VPS33B: variants seen among roughly 807,000 people sequenced by gnomAD.
VPS33B encodes the protein VPS33B late endosome and lysosome associated, also known as vacuolar protein sorting-associated protein 33B.
A neutral mutation model predicts 95.3 loss-of-function variants in VPS33B; 80 were observed. The observed-to-expected ratio is 0.84, with a 90% CI of 0.70 to 1.01. The LOEUF (loss-of-function observed/expected upper bound fraction) is 1.01. Ranked by LOEUF, VPS33B falls within the 50% of genes least tolerant of loss-of-function variation. The pLI is 0.00. For synonymous variants in VPS33B, 280 were observed against 280.4 expected (o/e 1.00, Z 0.01); for missense variants, 715 against 773.4 (o/e 0.92, Z 0.90).
Position 91,007,178 on chromosome 15 carries a change from C to T in VPS33B, c.604-132G>A. On this transcript the variant is annotated intron_variant, in intron 8 of 22. Coordinates refer to ENST00000333371, the MANE Select transcript of VPS33B (RefSeq NM_018668.5). The surrounding 1 kb of genome is among the most constrained non-coding windows in gnomAD (Gnocchi z 5.3). ...CAGGAGCTAATTATTCACAATATGG[C>T]CCTATCTACTCCCGTCTGTGTCTAT... The T allele has an allele frequency of 1.0e-6, 1 of 952,554 alleles. No homozygotes were observed. The highest frequency in any genetic ancestry group is 1.6e-5 in the African/African-American group (1 of 62,114). The allele number at this position is 952,554 out of a possible 1,614,324, so 59.0% of individuals were successfully genotyped here. A position where few individuals can be genotyped will look rare whatever the true frequency, so the allele number is the denominator to read the frequency against.
In VPS33B at chr15:91,011,523, G is replaced by A. The variant is rs2040778134; in HGVS notation, c.358-1677C>T. On this transcript the variant is annotated intron_variant, in intron 5 of 22. Coordinates refer to ENST00000333371, the MANE Select transcript of VPS33B (RefSeq NM_018668.5). This position sits in a 1 kb window ranked among gnomAD's most constrained non-coding sequence, Gnocchi z 5.5. Reference sequence around the variant, plus strand: ...ACTGCCAATCTTCATAATTAACAAAGGAGTCTCAAAGAAGAGAGAGAGATG... The same window carrying A: ...ACTGCCAATCTTCATAATTAACAAAAGAGTCTCAAAGAAGAGAGAGAGATG... Among the ~76,000 whole-genome samples, 1 of 152,160 alleles carries A rather than the reference G, an allele frequency of 6.6e-6. No homozygotes were observed. Among genetic ancestry groups the A allele is most frequent in the African/African-American group, 2.4e-5 (1 of 41,438 alleles).
Position 91,013,710 on chromosome 15 carries a change from C to G in VPS33B, c.357+94G>C, listed in dbSNP as rs955501635. Reference sequence around the variant, plus strand: ...TTCTGTTACAGCAACAGAAAACGAACGGAGACAGGGAGGTAGTGCTGTTGG... The same window carrying G: ...TTCTGTTACAGCAACAGAAAACGAAGGGAGACAGGGAGGTAGTGCTGTTGG... On this transcript the variant is annotated intron_variant, in intron 5 of 22. Transcript: ENST00000333371. This position sits in a 1 kb window ranked among gnomAD's most constrained non-coding sequence, Gnocchi z 4.5. 11 of 1,328,294 alleles carry G rather than the reference C, an allele frequency of 8.3e-6. No individual in the cohort carries two copies. In the African/African-American group the frequency reaches 1.4e-4, roughly 17 times the overall value. 82.3% of individuals were successfully genotyped at this position (1,328,294 alleles called of 1,614,324 possible).
intron 16 of VPS33B, 93 bp from the exon 17 acceptor site, chr15:91,003,224 C>T (rs1567220188): frequency 8.2e-7 from 1 of 1,215,404 alleles, no homozygotes; most frequent in Non-Finnish European, 1.2e-6. Context: ...ACGCCTTCTT[C>T]AGGAGGAAGG....
chr15:91,005,882 C>A lies in VPS33B; in HGVS notation c.939+91G>T. ...TCCATCCATGAGAAAGGACAGGGAACCTGTCATAGTATTAGAAGGGGAGCC... is the reference window on the plus strand; with the variant it reads ...TCCATCCATGAGAAAGGACAGGGAAACTGTCATAGTATTAGAAGGGGAGCC... On this transcript the variant is annotated intron_variant, in intron 12 of 22. Coordinates refer to ENST00000333371, the MANE Select transcript of VPS33B (RefSeq NM_018668.5). The surrounding 1 kb of genome is among the most constrained non-coding windows in gnomAD (Gnocchi z 6.4). 4.4e-6 allele frequency: 7 copies of A among 1,606,350 alleles called. No homozygotes were observed. The highest frequency in any genetic ancestry group is 2.2e-5 in the East Asian group (1 of 44,810).
Position 91,018,795 on chromosome 15 carries a change from A to T in VPS33B, c.97-910T>A, listed in dbSNP as rs929079650. 5.9e-5 allele frequency among the ~76,000 whole-genome samples: 9 copies of T among 151,690 alleles called. No homozygotes were observed. The highest frequency in any genetic ancestry group is 5.3e-4 in the Admixed American group (8 of 15,202). On this transcript the variant is annotated intron_variant, in intron 1 of 22. Coordinates refer to ENST00000333371, the MANE Select transcript of VPS33B (RefSeq NM_018668.5). The surrounding 1 kb of genome is among the most constrained non-coding windows in gnomAD (Gnocchi z 4.7). ...TAGAGAGCAGGAAATCTTTTTTTTT[A>T]AATCTTATTTGTTGTTTTGTTTTGT...
In VPS33B at chr15:91,005,092, T is replaced by C. The variant is rs745516900; in HGVS notation, c.1133A>G (p.Glu378Gly). 4.3e-6 allele frequency: 7 copies of C among 1,614,124 alleles called. No individual in the cohort carries two copies. The East Asian group carries it at 1.6e-4, about 36-fold the overall frequency. Reference protein sequence around the residue: ...HALLEGFNIRESTSYIEEHID... With the variant: ...HALLEGFNIRGSTSYIEEHID... Reference sequence around the variant, plus strand: ...GTGTTCCTCAATGTAGCTGGTGCTCTCCCGGATGTTGAACCCCTCTAGCAG... The same window carrying C: ...GTGTTCCTCAATGTAGCTGGTGCTCCCCCGGATGTTGAACCCCTCTAGCAG... Residue 378 changes from glutamate to glycine, a missense_variant, in exon 15 of 23, where the codon GAG becomes GGG. By Grantham distance (98) the Glu-to-Gly change is moderately conservative. Transcript: ENST00000333371. This position sits in a 1 kb window ranked among gnomAD's most constrained non-coding sequence, Gnocchi z 6.4.
In VPS33B at chr15:91,006,228, T is replaced by C; in HGVS notation, c.852+144A>G. On this transcript the variant is annotated intron_variant, in intron 11 of 22. Coordinates refer to ENST00000333371, the MANE Select transcript of VPS33B (RefSeq NM_018668.5). This position sits in a 1 kb window ranked among gnomAD's most constrained non-coding sequence, Gnocchi z 5.4. ...CTACACCGTGTTCTAGGAGATGCTC[T>C]GAACTGGTGGGGAAACCCTCTCTCC... The C allele has an allele frequency of 7.3e-7, 1 of 1,376,752 alleles. No individual in the cohort carries two copies. The allele number at this position is 1,376,752 out of a possible 1,614,324, so 85.3% of individuals were successfully genotyped here. A position where few individuals can be genotyped will look rare whatever the true frequency, so the allele number is the denominator to read the frequency against.
At chr15:91,001,190 C>T (rs2040425061) in intron 19 of VPS33B, among the ~76,000 whole-genome samples, 199 bp downstream of exon 19, 1 of 151,938 alleles carries the variant, frequency 6.6e-6, no homozygotes, top group African/African-American at 2.4e-5. Context: ...GTGGCACATG[C>T]CTGTAATCCC....
chr15:91,007,698 G>T lies in VPS33B; in HGVS notation c.499-125C>A. ...GGGGGATGCTTGAAAGGTTTTCATT[G>T]GCTCCACAGGAAGTCCCACAGAGAC... On this transcript the variant is annotated intron_variant, in intron 7 of 22. Transcript: ENST00000333371. This position sits in a 1 kb window ranked among gnomAD's most constrained non-coding sequence, Gnocchi z 5.3. 8.2e-7 allele frequency: 1 copy of T among 1,220,928 alleles called. No homozygotes were observed. The highest frequency in any genetic ancestry group is 1.2e-6 in the Non-Finnish European group (1 of 828,604). 75.6% of individuals were successfully genotyped at this position (1,220,928 alleles called of 1,614,324 possible). A position where few individuals can be genotyped will look rare whatever the true frequency, so the allele number is the denominator to read the frequency against.
At position 91,009,838 on chromosome 15, in the gene VPS33B, C is replaced by A; in HGVS notation, c.366G>T (p.Ala122=). ...CCTCTTCCTCAAGCACCATCTCACACGCATAGAACTGAAAGAGAAAAGGAA... is the reference window on the plus strand; with the variant it reads ...CCTCTTCCTCAAGCACCATCTCACAAGCATAGAACTGAAAGAGAAAAGGAA... ...KVIFSPQKFY[A]CEMVLEEEGI... The change falls in exon 6 of 23, where the codon GCG becomes GCT. Residue 122 remains alanine (A), a synonymous_variant. Coordinates refer to ENST00000333371, the MANE Select transcript of VPS33B (RefSeq NM_018668.5). The surrounding 1 kb of genome is among the most constrained non-coding windows in gnomAD (Gnocchi z 4.1). The A allele has an allele frequency of 6.2e-7, 1 of 1,614,156 alleles. No individual in the cohort carries two copies.
In VPS33B at chr15:90,999,545, C is replaced by T; in HGVS notation, c.1774+132G>A. ...TGTTGGTCAGGCTAGGCTCTAACTC[C>T]TGACCTCAGGTGATCTGCCCGCCTC... is the stretch of plus-strand genomic sequence containing the variant. On this transcript the variant is annotated intron_variant, in intron 22 of 22. Coordinates refer to ENST00000333371, the MANE Select transcript of VPS33B (RefSeq NM_018668.5). This position sits in a 1 kb window ranked among gnomAD's most constrained non-coding sequence, Gnocchi z 5.1. 1 of 941,768 alleles carries T rather than the reference C, an allele frequency of 1.1e-6. No homozygotes were observed. Among genetic ancestry groups the T allele is most frequent in the Non-Finnish European group, 1.7e-6 (1 of 582,124 alleles). The allele number at this position is 941,768 out of a possible 1,614,324, so 58.3% of individuals were successfully genotyped here.
chr15:91,014,360 C>T lies in VPS33B; in HGVS notation c.289+24G>A, dbSNP rs370937278. The T allele has an allele frequency of 6.2e-6, 10 of 1,613,184 alleles. No individual in the cohort carries two copies. The African/African-American group carries it at 1.2e-4, about 19-fold the overall frequency. Reference sequence around the variant, plus strand: ...TTTTGCCCGCCCTTTCCCACAGTTACACATAGTACCATGGCACACTCACTG... The same window carrying T: ...TTTTGCCCGCCCTTTCCCACAGTTATACATAGTACCATGGCACACTCACTG... On this transcript the variant is annotated intron_variant, in intron 4 of 22. Transcript: ENST00000333371.
rs74516510 is a variant in VPS33B at position 91,002,634 on chromosome 15, TAA to T, written c.1272+449_1272+450del. ...AACAGAGCGAGACATCGTCTCGAAA[TAA>T]AAAAAAAAAAAAAAAGAAAAGAAAT... On this transcript the variant is annotated intron_variant, in intron 17 of 22. Coordinates refer to ENST00000333371, the MANE Select transcript of VPS33B (RefSeq NM_018668.5). The surrounding 1 kb of genome is among the most constrained non-coding windows in gnomAD (Gnocchi z 4.7). 1.1e-4 allele frequency among the ~76,000 whole-genome samples: 10 copies of T among 88,740 alleles called. No individual in the cohort carries two copies. The highest frequency in any genetic ancestry group is 1.1e-4 in the Admixed American group (1 of 8,948). 58.2% of individuals were successfully genotyped at this position (88,740 alleles called of 152,430 possible).
intron 5 of VPS33B, among the ~76,000 whole-genome samples, chr15:91,012,792 A>G: frequency 6.6e-6 from 1 of 152,202 alleles, no homozygotes; most frequent in East Asian, 1.9e-4. Context: ...TGGACAGACT[A>G]TGATGGACCT....
chr15:91,001,613 T>C (rs1009495534), intron 18 of VPS33B, 151 bp from the exon 19 acceptor site: 27 of 726,266 alleles, frequency 3.7e-5, no homozygotes, highest in Non-Finnish European at 5.9e-5. Flanking sequence ...AATCAAGATA[T>C]ACTCCCCACC....
intron 18 of VPS33B, 44 bp from the exon 19 acceptor site, chr15:91,001,506 T>C (rs1428621042): frequency 6.7e-7 from 1 of 1,492,476 alleles, no homozygotes; most frequent in Non-Finnish European, 9.4e-7. Context: ...GGTCTATGGA[T>C]TCATGACACT....
chr15:91,006,443 T>G lies in VPS33B; in HGVS notation c.781A>C (p.Ser261Arg), dbSNP rs1477296982. 6.2e-7 allele frequency: 1 copy of G among 1,614,146 alleles called. No homozygotes were observed. The highest frequency in any genetic ancestry group is 2.2e-5 in the East Asian group (1 of 44,880). The change falls in exon 11 of 23, where the codon AGT becomes CGT. Residue 261 changes from serine to arginine, a missense_variant and splice_region_variant. By Grantham distance (110) the Ser-to-Arg change is moderately radical. Coordinates refer to ENST00000333371, the MANE Select transcript of VPS33B (RefSeq NM_018668.5). The surrounding 1 kb of genome is among the most constrained non-coding windows in gnomAD (Gnocchi z 5.4). ...VDDTFRIKCG[S>R]VDFGPEVTSS... ...GTGACTTCTGGGCCAAAGTCGACAC[T>G]CCCTTTGAGAGCAGAGGGACAGCTA... is the stretch of plus-strand genomic sequence containing the variant.
At chr15:91,001,587 A>G (rs2040439652) in intron 18 of VPS33B, 125 bp from the exon 19 acceptor site, 1 of 815,728 alleles carries the variant, frequency 1.2e-6, no homozygotes, top group Non-Finnish European at 2.1e-6. Context: ...CTGTTCAACT[A>G]TAATTCCCTG....
In VPS33B at chr15:90,998,994, A is replaced by G. The variant is rs751168581; in HGVS notation, c.1835T>C (p.Met612Thr). Residue 612 changes from methionine to threonine, a missense_variant, in exon 23 of 23, where the codon ATG (methionine) becomes ACG (threonine). Coordinates refer to ENST00000333371, the MANE Select transcript of VPS33B (RefSeq NM_018668.5). The surrounding 1 kb of genome is among the most constrained non-coding windows in gnomAD (Gnocchi z 4.8). Reference protein sequence around the residue: ...VTNSARLMEAMSEVKA With the variant: ...VTNSARLMEATSEVKA ...AAAACATCAGGCTTTCACCTCACTC[A>G]TGGCCTCCATAAGGCGAGCGCTGTT... 4 of 1,614,150 alleles carry G rather than the reference A, an allele frequency of 2.5e-6. No individual in the cohort carries two copies. The highest frequency in any genetic ancestry group is 3.3e-5 in the Admixed American group (2 of 60,006).
Sources: gnomAD v4.1 joint callset for allele counts (sites outside exome capture counted in the v4.1 genomes callset) on GRCh38, gnomAD v4.1.1 for gene constraint, Gnocchi (gnomAD v3.1) non-coding constraint, MANE v1.5 for transcripts, NCBI Gene and HGNC (gene_info 2026-07-23, HGNC 2026-07-21) for gene names.